Variants in MACROD2 observed in about 807,000 individuals in gnomAD.
The protein encoded by MACROD2 is ADP-ribose glycohydrolase MACROD2.
A neutral mutation model predicts 70.4 loss-of-function variants in MACROD2; 36 were observed. The observed-to-expected ratio is 0.51, with a 90% confidence interval of 0.39 to 0.68. The LOEUF (loss-of-function observed/expected upper bound fraction) is 0.68. Among genes scored for constraint, MACROD2 ranks in the 30% least tolerant of loss-of-function variants. The probability of loss-of-function intolerance (pLI) is 0.00; values close to 1 mark genes in which losing one functional copy is unlikely to be tolerated. For missense variants in MACROD2, 496 were observed against 538.4 expected, an observed-to-expected ratio of 0.92 and a Z score of 0.78; for synonymous variants, 172 against 178.8, an observed-to-expected ratio of 0.96 and a Z score of 0.30.
chr20:14,936,136 G>T (rs145908129), intron 5 of MACROD2, among the ~76,000 whole-genome samples: 42 of 152,224 alleles, frequency 2.8e-4, no homozygotes, highest in African/African-American at 1.0e-3. Context: ...TGAGTATGTG[G>T]TATAAAGAAA....
At chr20:15,167,572 G>A (rs2076394153) in intron 5 of MACROD2, among the ~76,000 whole-genome samples, 1 of 152,086 alleles carries the variant, frequency 6.6e-6, no homozygotes, top group South Asian at 2.1e-4. Context: ...GCTCTTCAGA[G>A]GCCTCCCCTG....
chr20:14,099,277 C>CAA (rs970016649), intron 3 of MACROD2, among the ~76,000 whole-genome samples: 1 of 138,168 alleles, frequency 7.2e-6, no homozygotes, highest in South Asian at 2.3e-4. Flanking sequence ...CACTCCATTT[C>CAA]AAAAAAAAAA....
chr20:15,936,270 A>G (rs539309005), intron 11 of MACROD2, among the ~76,000 whole-genome samples: 1 of 148,952 alleles, frequency 6.7e-6, no homozygotes, highest in East Asian at 2.0e-4. Flanking sequence ...ATGTGTGTGT[A>G]TATATATACA....
At chr20:16,045,226 C>T (rs953788249) in intron 17 of MACROD2, among the ~76,000 whole-genome samples, 1 of 152,074 alleles carries the variant, frequency 6.6e-6, no homozygotes, top group African/African-American at 2.4e-5. Flanking sequence ...GTTGAATGAG[C>T]TTCAGGGAAC....
rs76148480 is a variant in MACROD2 at position 15,039,880 on chromosome 20, G to C, written c.419-190060G>C. On this transcript the variant is annotated intron_variant, in intron 5 of 17. Coordinates refer to ENST00000684519, the MANE Select transcript of MACROD2 (RefSeq NM_001351661.2). ...ACAATGTCATTATCAGAACCTAGTT[G>C]TTGTAAAGTTTTGGATGCTCCCAAA... Among the ~76,000 whole-genome samples the C allele has an allele frequency of 1.5e-4, 23 of 152,238 alleles. No individual in the cohort carries two copies. In the East Asian group the frequency reaches 4.4e-3, roughly 29 times the overall value.
chr20:14,933,209 G>T (rs982457428), intron 5 of MACROD2, among the ~76,000 whole-genome samples: 5 of 151,916 alleles, frequency 3.3e-5, no homozygotes, highest in African/African-American at 1.2e-4. Context: ...GGATAAGATT[G>T]AGGTCTTATT....
intron 3 of MACROD2, among the ~76,000 whole-genome samples, chr20:14,143,528 G>A (rs906185252): frequency 1.3e-5 from 2 of 151,920 alleles, no homozygotes; most frequent in Non-Finnish European, 1.5e-5. Context: ...GATATGTGTG[G>A]AATTCCTGTT....
intron 8 of MACROD2, among the ~76,000 whole-genome samples, chr20:15,819,949 G>A (rs955504341): frequency 6.6e-6 from 1 of 152,162 alleles, no homozygotes; most frequent in Non-Finnish European, 1.5e-5. Flanking sequence ...TGTGTGAGAT[G>A]ATAGATATGT....
chr20:15,230,665 CA>C (rs960155376), intron 6 of MACROD2, among the ~76,000 whole-genome samples: 27 of 152,188 alleles, frequency 1.8e-4, no homozygotes, highest in African/African-American at 6.0e-4. Context: ...TATCAGTAGA[CA>C]AAGGGAGTTC....
chr20:14,828,640 G>A (rs2072928041), intron 5 of MACROD2, among the ~76,000 whole-genome samples: 1 of 152,024 alleles, frequency 6.6e-6, no homozygotes, highest in South Asian at 2.1e-4. Context: ...CTTGTGCTGT[G>A]AAGGAATGTT....
intron 15 of MACROD2, among the ~76,000 whole-genome samples, chr20:15,996,423 T>G (rs2066633327): frequency 6.6e-6 from 1 of 152,184 alleles, no homozygotes; most frequent in Admixed American, 6.5e-5. Flanking sequence ...AGATTGTCAT[T>G]AATTCTTCTT....
chr20:14,384,698 A>G (rs1298508960), intron 3 of MACROD2, among the ~76,000 whole-genome samples: 2 of 152,186 alleles, frequency 1.3e-5, no homozygotes, highest in African/African-American at 4.8e-5. Context: ...TCATGAAGCT[A>G]CAAGCCCAAT....
chr20:15,858,458 T>G (rs2064383540), intron 8 of MACROD2, among the ~76,000 whole-genome samples: 1 of 152,188 alleles, frequency 6.6e-6, no homozygotes, highest in Non-Finnish European at 1.5e-5. Flanking sequence ...CCACTGTGAC[T>G]TCTTTTTTAC....
At chr20:14,800,753 G>A (rs2072565307) in intron 5 of MACROD2, among the ~76,000 whole-genome samples, 1 of 152,074 alleles carries the variant, frequency 6.6e-6, no homozygotes, top group Non-Finnish European at 1.5e-5. Flanking sequence ...AATTTCATCC[G>A]GAGGTTAGTC....
intron 2 of MACROD2, among the ~76,000 whole-genome samples, chr20:14,046,359 A>G (rs1479654741): frequency 6.6e-6 from 1 of 152,210 alleles, no homozygotes; most frequent in East Asian, 1.9e-4. Flanking sequence ...AGGATTTTGA[A>G]ATAGATTTTT....
intron 4 of MACROD2, among the ~76,000 whole-genome samples, chr20:14,659,137 A>G (rs1005057728): frequency 1.3e-5 from 2 of 152,116 alleles, no homozygotes; most frequent in Admixed American, 6.5e-5. Flanking sequence ...AAAGCCTTAC[A>G]ATAACTAGCC....
chr20:15,232,151 C>A (rs534004203), intron 6 of MACROD2, among the ~76,000 whole-genome samples: 2 of 151,894 alleles, frequency 1.3e-5, no homozygotes, highest in African/African-American at 4.8e-5. Flanking sequence ...TGTTCTTGAT[C>A]ACCATTAAAT....
chr20:14,012,474 G>C (rs1020564418), intron 2 of MACROD2, among the ~76,000 whole-genome samples: 7 of 152,070 alleles, frequency 4.6e-5, no homozygotes, highest in African/African-American at 1.7e-4. Context: ...CGGACCTGCG[G>C]GCATAGCTGT....
intron 8 of MACROD2, among the ~76,000 whole-genome samples, chr20:15,818,996 G>A (rs1165387805): frequency 6.6e-6 from 1 of 151,938 alleles, no homozygotes; most frequent in African/African-American, 2.4e-5. Flanking sequence ...GAGAAGCAGG[G>A]ATTCAAAAGC....
Sources: gnomAD v4.1 joint callset for allele counts (sites outside exome capture counted in the v4.1 genomes callset) on GRCh38, gnomAD v4.1.1 for gene constraint, MANE v1.5 for transcripts, NCBI Gene and HGNC (gene_info 2026-07-23, HGNC 2026-07-21) for gene names.